The following RPAP2 variants were observed in gnomAD, a reference collection of about 807,000 sequenced individuals.
RPAP2 encodes putative RNA polymerase II subunit B1 CTD phosphatase RPAP2.
In RPAP2, 52 loss-of-function variants were observed where a neutral mutation model predicts 73.1. That is an observed-to-expected ratio of 0.71 (90% CI 0.57 to 0.90). The LOEUF (loss-of-function observed/expected upper bound fraction) is 0.90, where lower values mean the gene tolerates loss of function less well. RPAP2 is among the 40% of genes least tolerant of loss of function. The probability of loss-of-function intolerance (pLI) is 0.00; values close to 1 mark genes in which losing one functional copy is unlikely to be tolerated. For missense variants in RPAP2, 598 were observed against 701.8 expected (o/e 0.85, Z 1.67); for synonymous variants, 225 against 242.1 (o/e 0.93, Z 0.65).
Position 92,323,730 on chromosome 1 carries a change from C to T in RPAP2, c.810C>T (p.Val270=), listed in dbSNP as rs140997860. 1.1e-5 allele frequency: 17 copies of T among 1,614,098 alleles called. No homozygotes were observed. The highest frequency in any genetic ancestry group is 4.0e-5 in the African/African-American group (3 of 75,050). ...HKDKEQTVVD[V]TEQLGDCKLD... is the part of the protein sequence containing the mutation. The stretch of plus-strand genomic sequence containing the variant: ...ACAAAGAACAGACAGTAGTAGATGT[C>T]ACTGAGCAGTTAGGCGATTGCAAAT... Residue 270 remains valine, a synonymous_variant, in exon 8 of 13, where the codon GTC becomes GTT. Transcript: ENST00000610020.
chr1:92,322,981 TTA>T, intron 7 of RPAP2, among the ~76,000 whole-genome samples: 2 of 147,332 alleles, frequency 1.4e-5, no homozygotes, highest in South Asian at 4.2e-4. Flanking sequence ...CAAGTATATA[TTA>T]TATATGTAAA....
rs186949996 is a variant in RPAP2, at chr1:92,324,397, T to A, written c.1455+22T>A. 3.9e-6 allele frequency: 6 copies of A among 1,551,776 alleles called. No individual in the cohort carries two copies. The South Asian group carries it at 5.8e-5, about 15-fold the overall frequency. ...AGAGGTATGTCTTACAGACATTGAG[T>A]TTTTCCAGATCGTTAACATTTGGAA... is the stretch of plus-strand genomic sequence containing the variant. On this transcript the variant is annotated intron_variant, in intron 8 of 12. Coordinates refer to ENST00000610020, the MANE Select transcript of RPAP2 (RefSeq NM_024813.3).
At chr1:92,314,617 C>G (rs1269524226) in intron 6 of RPAP2, among the ~76,000 whole-genome samples, 11 of 151,338 alleles carry the variant, frequency 7.3e-5, no homozygotes, top group Non-Finnish European at 1.5e-4. Context: ...GTGGCATGCA[C>G]CTGTAATCCC....
chr1:92,355,209 T>A (rs1469325180), intron 11 of RPAP2, among the ~76,000 whole-genome samples: 1 of 152,256 alleles, frequency 6.6e-6, no homozygotes, highest in East Asian at 1.9e-4. Flanking sequence ...CCCCATAGAC[T>A]ACCTTTAACT....
Position 92,396,082 on chromosome 1 carries a change from C to T in RPAP2, c.*9071C>T, listed in dbSNP as rs1030658021. The T allele has an allele frequency of 1.3e-5, 2 of 152,130 alleles. No individual in the cohort carries two copies. Among genetic ancestry groups the T allele is most frequent in the Non-Finnish European group, 1.5e-5 (1 of 68,030 alleles). 9.4% of individuals were successfully genotyped at this position (152,130 alleles called of 1,614,324 possible). On this transcript the variant is annotated 3_prime_UTR_variant, in exon 13 of 13. Coordinates refer to ENST00000610020, the MANE Select transcript of RPAP2 (RefSeq NM_024813.3). ...AACATAAGTTTACCATATGATCCTGCTATTCCATGAGAAGAGAAGTGGAAA... is the reference window on the plus strand; with the variant it reads ...AACATAAGTTTACCATATGATCCTGTTATTCCATGAGAAGAGAAGTGGAAA...
intron 7 of RPAP2, among the ~76,000 whole-genome samples, chr1:92,322,223 G>A (rs1280466601): frequency 1.3e-5 from 2 of 151,250 alleles, no homozygotes; most frequent in South Asian, 2.1e-4. Flanking sequence ...TGGGATTACA[G>A]ATGTGAGTCA....
intron 11 of RPAP2, among the ~76,000 whole-genome samples, chr1:92,368,120 G>A (rs890915100): frequency 6.6e-6 from 1 of 152,082 alleles, no homozygotes; most frequent in African/African-American, 2.4e-5. Flanking sequence ...AATGGGGAAG[G>A]CCACTTAAAA....
chr1:92,353,677 A>G (rs973366276), intron 11 of RPAP2, among the ~76,000 whole-genome samples: 1 of 152,146 alleles, frequency 6.6e-6, no homozygotes, highest in Non-Finnish European at 1.5e-5. Context: ...GATATTTACT[A>G]TCCTATCACC....
intron 11 of RPAP2, among the ~76,000 whole-genome samples, chr1:92,349,832 G>A (rs1654108061): frequency 6.6e-6 from 1 of 152,148 alleles, no homozygotes; most frequent in African/African-American, 2.4e-5. Context: ...GGAAGCTGTG[G>A]TGGGAGGATC....
intron 10 of RPAP2, among the ~76,000 whole-genome samples, chr1:92,337,789 T>A (rs1395137336): frequency 1.3e-5 from 2 of 152,154 alleles, no homozygotes; most frequent in East Asian, 3.8e-4. Flanking sequence ...ACATTGATTT[T>A]CATTCATCGT....
intron 11 of RPAP2, among the ~76,000 whole-genome samples, chr1:92,348,496 T>G (rs534907902): frequency 6.6e-6 from 1 of 152,374 alleles, no homozygotes; most frequent in East Asian, 1.9e-4. Flanking sequence ...CTTTTCATTC[T>G]GCATTTGCAC....
chr1:92,313,283 T>C (rs1399753996), intron 6 of RPAP2, among the ~76,000 whole-genome samples: 1 of 152,222 alleles, frequency 6.6e-6, no homozygotes, highest in Admixed American at 6.5e-5. Flanking sequence ...AGGAAATGTA[T>C]GTCTTAAGAC....
chr1:92,329,517 A>G (rs184614648), intron 8 of RPAP2, among the ~76,000 whole-genome samples: 1 of 152,230 alleles, frequency 6.6e-6, no homozygotes, highest in Non-Finnish European at 1.5e-5. Context: ...GCCCCAGGCT[A>G]CAGGCCTCCC....
intron 11 of RPAP2, among the ~76,000 whole-genome samples, chr1:92,380,137 G>A (rs1359641399): frequency 6.6e-6 from 1 of 151,206 alleles, no homozygotes; most frequent in African/African-American, 2.4e-5. Context: ...AATTAGCCGG[G>A]CGTGGTGGCA....
chr1:92,309,580 T>C (rs71510744), intron 6 of RPAP2, among the ~76,000 whole-genome samples: 474 of 147,900 alleles, frequency 3.2e-3, no homozygotes, highest in Non-Finnish European at 4.7e-3. Context: ...CATATACATA[T>C]ACATACACAT....
At chr1:92,336,580 AT>A (rs1433124845) in intron 10 of RPAP2, among the ~76,000 whole-genome samples, 153 bp downstream of exon 10, 4 of 152,110 alleles carry the variant, frequency 2.6e-5, no homozygotes, top group African/African-American at 9.6e-5. Flanking sequence ...AAACAACATT[AT>A]TTCTCTCTTC....
At chr1:92,374,709 G>A (rs1212560269) in intron 11 of RPAP2, among the ~76,000 whole-genome samples, 1 of 152,154 alleles carries the variant, frequency 6.6e-6, no homozygotes, top group Non-Finnish European at 1.5e-5. Flanking sequence ...GAGACACAGA[G>A]CCTCTTGCTA....
At chr1:92,370,007 C>T (rs1451234643) in intron 11 of RPAP2, among the ~76,000 whole-genome samples, 1 of 152,190 alleles carries the variant, frequency 6.6e-6, no homozygotes, top group East Asian at 1.9e-4. Flanking sequence ...GCCTCATCCT[C>T]CCAAGTAGCT....
chr1:92,359,835 T>C (rs1431764884), intron 11 of RPAP2, among the ~76,000 whole-genome samples: 1 of 152,122 alleles, frequency 6.6e-6, no homozygotes, highest in Non-Finnish European at 1.5e-5. Context: ...AGAGTCAAGA[T>C]GGGACAGAAC....
Sources: gnomAD v4.1 joint callset for allele counts (sites outside exome capture counted in the v4.1 genomes callset) on GRCh38, gnomAD v4.1.1 for gene constraint, MANE v1.5 for transcripts, NCBI Gene and HGNC (gene_info 2026-07-23, HGNC 2026-07-21) for gene names.